WWTR1: variants seen among roughly 807,000 people sequenced by gnomAD.
WWTR1 encodes WW domain-containing transcription regulator protein 1.
WWTR1 carries 13 observed loss-of-function variants against 40.1 expected under a neutral mutation model. That is an observed-to-expected ratio of 0.32 (90% CI 0.21 to 0.52). The LOEUF is 0.52. Ranked by LOEUF, WWTR1 falls within the 20% of genes least tolerant of loss-of-function variation. WWTR1 has a pLI of 0.97. For missense variants in WWTR1, 436 were observed against 523.1 expected (o/e 0.83, Z 1.63); for synonymous variants, 230 against 210.1 (o/e 1.09, Z -0.82).
intron 1 of WWTR1, among the ~76,000 whole-genome samples, chr3:149,681,125 G>A (rs763099632): frequency 6.6e-6 from 1 of 152,210 alleles, no homozygotes; most frequent in Non-Finnish European, 1.5e-5. Flanking sequence ...GAGACTGAAT[G>A]TGTGGTGTAA....
At chr3:149,623,615 G>A (rs1178708783) in intron 2 of WWTR1, among the ~76,000 whole-genome samples, 2 of 152,098 alleles carry the variant, frequency 1.3e-5, no homozygotes, top group African/African-American at 4.8e-5. Context: ...TCACTTCTAC[G>A]AACTTGCATT....
intron 2 of WWTR1, among the ~76,000 whole-genome samples, chr3:149,636,989 A>AG (rs1424656488): frequency 1.7e-4 from 25 of 150,752 alleles, no homozygotes; most frequent in Non-Finnish European, 2.5e-4. Flanking sequence ...AAAAAAAAAA[A>AG]AGAGAGAAGT....
chr3:149,589,735 G>A (rs1019549700), intron 2 of WWTR1, among the ~76,000 whole-genome samples: 3 of 151,328 alleles, frequency 2.0e-5, no homozygotes, highest in African/African-American at 7.3e-5. Flanking sequence ...ACTAAATGCA[G>A]AAGGCCTTAC....
At chr3:149,678,343 C>T (rs75321194) in intron 1 of WWTR1, among the ~76,000 whole-genome samples, 6,534 of 152,170 alleles carry the variant, frequency 0.043, 288 homozygotes, top group East Asian at 0.13. Flanking sequence ...TGAGGCCATC[C>T]CTTAGAACTG....
chr3:149,530,182 C>T lies in WWTR1; in HGVS notation c.772-2213G>A, dbSNP rs1353446748. ...CTAACAAGGTGAAACCCTGTCTCTA[C>T]TAAAAATACAAAATATTAGCCGGGT... On this transcript the variant is annotated intron_variant, in intron 4 of 6. Transcript: ENST00000360632. Among the ~76,000 whole-genome samples, 4 of 152,062 alleles carry T rather than the reference C, an allele frequency of 2.6e-5. No homozygotes were observed. In the East Asian group the frequency reaches 7.7e-4, roughly 29 times the overall value.
chr3:149,542,691 C>T (rs1413337135), intron 3 of WWTR1, among the ~76,000 whole-genome samples, 154 bp from the exon 4 acceptor site: 1 of 152,156 alleles, frequency 6.6e-6, no homozygotes, highest in African/African-American at 2.4e-5. Context: ...GTAATTATTA[C>T]CTTAATTCAA....
At chr3:149,667,408 C>T (rs1173164839) in intron 2 of WWTR1, among the ~76,000 whole-genome samples, 4 of 151,842 alleles carry the variant, frequency 2.6e-5, no homozygotes, top group South Asian at 2.1e-4. Context: ...ATTAGCAGGA[C>T]GTGGTGGTGG....
intron 2 of WWTR1, among the ~76,000 whole-genome samples, chr3:149,580,097 T>C (rs1738071547): frequency 6.6e-6 from 1 of 152,212 alleles, no homozygotes; most frequent in African/African-American, 2.4e-5. Context: ...ATGCAAAAGG[T>C]GGTTTACTTT....
chr3:149,705,498 A>G (rs1054340729), upstream of WWTR1, among the ~76,000 whole-genome samples: 1 of 152,250 alleles, frequency 6.6e-6, no homozygotes. Flanking sequence ...AGTTTCTACA[A>G]AATAAAGTGA....
intron 2 of WWTR1, among the ~76,000 whole-genome samples, chr3:149,584,756 ATC>A (rs1360680393): frequency 1.3e-5 from 2 of 152,212 alleles, no homozygotes; most frequent in Non-Finnish European, 2.9e-5. Flanking sequence ...TGGATTTGAG[ATC>A]TGTTTCTGCC....
At chr3:149,560,829 C>T (rs571367159) in intron 3 of WWTR1, among the ~76,000 whole-genome samples, 1 of 152,170 alleles carries the variant, frequency 6.6e-6, no homozygotes, top group South Asian at 2.1e-4. Flanking sequence ...ACGAAACTTC[C>T]ATTTATGGCT....
intron 3 of WWTR1, among the ~76,000 whole-genome samples, chr3:149,547,281 T>C (rs577510220): frequency 2.0e-5 from 3 of 148,882 alleles, no homozygotes; most frequent in African/African-American, 7.4e-5. Flanking sequence ...TCCCAGCACT[T>C]TGGGAGGTCG....
chr3:149,536,595 G>A (rs372617627), intron 4 of WWTR1, among the ~76,000 whole-genome samples: 10 of 152,090 alleles, frequency 6.6e-5, no homozygotes, highest in South Asian at 4.1e-4. Flanking sequence ...GGCCCGCCGC[G>A]CCTGGTGGCT....
At position 149,551,984 on chromosome 3, in the gene WWTR1, A is replaced by T. The variant is rs986886146; in HGVS notation, c.569-9447T>A. Among the ~76,000 whole-genome samples the T allele has an allele frequency of 2.1e-5, 3 of 145,946 alleles. 1 individual carries two copies. Among genetic ancestry groups the T allele is most frequent in the African/African-American group, 7.8e-5 (3 of 38,518 alleles). On this transcript the variant is annotated intron_variant, in intron 3 of 6. Transcript: ENST00000360632. ...CATTTTGTCTGTAATTTTTGAAGGA[A>T]ATCAAGCACTATTTATGACATTTAT...
At chr3:149,582,445 T>C (rs1206656795) in intron 2 of WWTR1, among the ~76,000 whole-genome samples, 1 of 151,724 alleles carries the variant, frequency 6.6e-6, no homozygotes, top group Non-Finnish European at 1.5e-5. Flanking sequence ...AAATGTATAG[T>C]CCAGACACAG....
At chr3:149,639,341 C>T (rs2108123445) in intron 2 of WWTR1, among the ~76,000 whole-genome samples, 1 of 152,070 alleles carries the variant, frequency 6.6e-6, no homozygotes, top group African/African-American at 2.4e-5. Context: ...GTAGCTGGGA[C>T]TATAGCAGTG....
intron 2 of WWTR1, among the ~76,000 whole-genome samples, chr3:149,587,151 G>T (rs1027533398): frequency 6.6e-6 from 1 of 152,156 alleles, no homozygotes; most frequent in Non-Finnish European, 1.5e-5. Flanking sequence ...GCTGGAGGGG[G>T]TGCAGTCTTG....
At chr3:149,704,165 T>G (rs760033677), upstream of WWTR1, among the ~76,000 whole-genome samples, 14 of 152,186 alleles carry the variant, frequency 9.2e-5, no homozygotes, top group Non-Finnish European at 1.5e-5. Context: ...TTAAAAATGC[T>G]GATTAAAGAT....
rs541997345 is a variant in WWTR1 at position 149,557,959 on chromosome 3, C to T, written c.568+14905G>A. Among the ~76,000 whole-genome samples, 21 of 147,818 alleles carry T rather than the reference C, an allele frequency of 1.4e-4. No homozygotes were observed. The East Asian group carries it at 3.0e-3, about 21-fold the overall frequency. ...TGGATGTTGCAGTGAGCGGAGATCA[C>T]GCCATTGCACTCCAACCTGGGTGAC... is the stretch of plus-strand genomic sequence containing the variant. On this transcript the variant is annotated intron_variant, in intron 3 of 6. Coordinates refer to ENST00000360632, the MANE Select transcript of WWTR1 (RefSeq NM_015472.6).
Sources: allele counts gnomAD v4.1 joint callset (sites outside exome capture counted in the v4.1 genomes callset), GRCh38; gene constraint gnomAD v4.1.1; transcripts MANE v1.5; gene names NCBI Gene and HGNC (gene_info 2026-07-23, HGNC 2026-07-21).